Variants in DENND11 observed in about 807,000 individuals in gnomAD.
The protein encoded by DENND11 is DENN domain-containing protein 11.
DENND11 carries 34 observed loss-of-function variants against 49.2 expected under a neutral mutation model. The observed-to-expected ratio is 0.69, with a 90% confidence interval of 0.53 to 0.92. DENND11 has a LOEUF of 0.92. Among genes scored for constraint, DENND11 ranks in the 40% least tolerant of loss-of-function variants. The probability of loss-of-function intolerance (pLI) is 0.00; values close to 1 mark genes in which losing one functional copy is unlikely to be tolerated. For synonymous variants in DENND11, 238 were observed against 230.3 expected (o/e 1.03, Z -0.30); for missense variants, 475 against 581.6 (o/e 0.82, Z 1.88).
chr7:141,686,748 T>C (rs1798249871), intron 1 of DENND11, 90 bp from the exon 2 acceptor site: 2 of 838,644 alleles, frequency 2.4e-6, no homozygotes, highest in African/African-American at 1.7e-5. Context: ...GGCTTTTCAA[T>C]AAACCGACTG....
intron 1 of DENND11, among the ~76,000 whole-genome samples, chr7:141,698,383 C>A (rs1175850520): frequency 6.6e-6 from 1 of 152,210 alleles, no homozygotes; most frequent in Non-Finnish European, 1.5e-5. Context: ...TGGCTTCCAA[C>A]ATCTTCCACC....
At chr7:141,673,660 G>A (rs1798018606) in intron 4 of DENND11, among the ~76,000 whole-genome samples, 1 of 152,202 alleles carries the variant, frequency 6.6e-6, no homozygotes, top group African/African-American at 2.4e-5. Context: ...GCATATTCTA[G>A]TACCAAAGCC....
At chr7:141,677,964 T>C (rs1798091196) in intron 3 of DENND11, among the ~76,000 whole-genome samples, 2 of 151,002 alleles carry the variant, frequency 1.3e-5, no homozygotes, top group African/African-American at 4.9e-5. Context: ...CAATAATCTT[T>C]TTTTTTTTTT....
chr7:141,661,213 C>A lies in DENND11; in HGVS notation c.*1443G>T, dbSNP rs1797787708. 6.6e-6 allele frequency: 1 copy of A among 152,136 alleles called. No individual in the cohort carries two copies. The highest frequency in any genetic ancestry group is 2.4e-5 in the African/African-American group (1 of 41,408). The allele number at this position is 152,136 out of a possible 1,614,324, so 9.4% of individuals were successfully genotyped here. A position where few individuals can be genotyped will look rare whatever the true frequency, so the allele number is the denominator to read the frequency against. ...CTGACGGCTATTCCCATAACCGAGC[C>A]AGGCGGGAAGGGGGAAAAGGAAGAC... On this transcript the variant is annotated 3_prime_UTR_variant, in exon 9 of 9. Coordinates refer to ENST00000536163, the MANE Select transcript of DENND11 (RefSeq NM_001080392.2).
chr7:141,700,477 G>GAAAA (rs201716585), intron 1 of DENND11, among the ~76,000 whole-genome samples: 1 of 117,610 alleles, frequency 8.5e-6, no homozygotes, highest in Non-Finnish European at 1.7e-5. Context: ...GACACTGTCT[G>GAAAA]AAAAAAAAAA....
At chr7:141,675,951 TG>T (rs1289423072) in intron 3 of DENND11, among the ~76,000 whole-genome samples, 1 of 152,228 alleles carries the variant, frequency 6.6e-6, no homozygotes, top group Non-Finnish European at 1.5e-5. Flanking sequence ...GGAGGTTGCT[TG>T]TAGTCACTTA....
intron 1 of DENND11, among the ~76,000 whole-genome samples, chr7:141,691,945 TA>T (rs1208332416): frequency 2.0e-5 from 3 of 152,156 alleles, no homozygotes; most frequent in East Asian, 3.8e-4. Flanking sequence ...CGCATGTGTT[TA>T]AAAAAACTGA....
In DENND11 at chr7:141,683,283, GAACT is replaced by G. The variant is rs547210253; in HGVS notation, c.527+2191_527+2194del. The stretch of plus-strand genomic sequence containing the variant: ...AAAGTTCCTAAAATTAAAAATAAAA[GAACT>G]ATCTATTGAGCAAAGGGGACAAACT... On this transcript the variant is annotated intron_variant, in intron 3 of 8. Transcript: ENST00000536163. 1.8e-3 allele frequency among the ~76,000 whole-genome samples: 277 copies of G among 151,108 alleles called. 3 individuals are homozygous for G. Among genetic ancestry groups the G allele is most frequent in the Middle Eastern group, 3.5e-3 (1 of 282 alleles).
chr7:141,674,430 T>G (rs1485371884), intron 3 of DENND11, among the ~76,000 whole-genome samples: 2 of 152,190 alleles, frequency 1.3e-5, no homozygotes, highest in Admixed American at 6.5e-5. Flanking sequence ...AGTTCAAACA[T>G]GGGCCTGAAA....
chr7:141,690,533 T>C (rs1798310892), intron 1 of DENND11, among the ~76,000 whole-genome samples: 1 of 152,148 alleles, frequency 6.6e-6, no homozygotes, highest in African/African-American at 2.4e-5. Context: ...TAAAACCAAA[T>C]CCCTGCAACA....
rs36080710 is a variant in DENND11 at position 141,687,631 on chromosome 7, A to ATT, written c.269-975_269-974dup. 1.2e-3 allele frequency among the ~76,000 whole-genome samples: 136 copies of ATT among 112,796 alleles called. 2 individuals carry two copies. The highest frequency in any genetic ancestry group is 5.1e-3 in the South Asian group (16 of 3,124). 74.0% of individuals were successfully genotyped at this position (112,796 alleles called of 152,430 possible). ...AGGCGCATACCAGCACACTCGGCTA[A>ATT]TTTTTTTTTTTTTTTTTTTTGAGAC... On this transcript the variant is annotated intron_variant, in intron 1 of 8. Coordinates refer to ENST00000536163, the MANE Select transcript of DENND11 (RefSeq NM_001080392.2).
intron 7 of DENND11, 94 bp downstream of exon 7, chr7:141,664,810 G>GGGAA (rs1191932116): frequency 1.2e-5 from 16 of 1,350,252 alleles, no homozygotes; most frequent in Non-Finnish European, 1.5e-5. Flanking sequence ...AAATGTGTCA[G>GGGAA]GGAAGGGGCA....
intron 3 of DENND11, among the ~76,000 whole-genome samples, chr7:141,674,552 C>G (rs1464785654): frequency 6.6e-6 from 1 of 152,138 alleles, no homozygotes; most frequent in East Asian, 1.9e-4. Context: ...AGACTGGGTG[C>G]CACTTCCCAG....
At chr7:141,663,930 G>A (rs1797844912) in intron 8 of DENND11, 4 of 455,952 alleles carry the variant, frequency 8.8e-6, no homozygotes, top group African/African-American at 5.8e-5. Context: ...GCCCAACAAG[G>A]AAAGAAACAC....
intron 3 of DENND11, 87 bp downstream of exon 3, chr7:141,685,391 A>T: frequency 1.4e-6 from 2 of 1,478,104 alleles, no homozygotes; most frequent in Non-Finnish European, 1.9e-6. Flanking sequence ...CTGCTCTGGC[A>T]CGCAAATGCT....
chr7:141,666,428 G>A lies in DENND11; in HGVS notation c.682-3C>T, dbSNP rs1315853798. 2.5e-6 allele frequency: 4 copies of A among 1,594,664 alleles called. No homozygotes were observed. Among genetic ancestry groups the A allele is most frequent in the Non-Finnish European group, 3.4e-6 (4 of 1,166,696 alleles). On this transcript the variant is annotated splice_polypyrimidine_tract_variant and splice_region_variant and intron_variant, in intron 4 of 8. Coordinates refer to ENST00000536163, the MANE Select transcript of DENND11 (RefSeq NM_001080392.2). ...ATGCAGCCAGCTGGGTGTGTGATCT[G>A]AAAAAATTGAGGGGAATAGGGAGGA... is the stretch of plus-strand genomic sequence containing the variant.
At chr7:141,688,032 C>T (rs1416243056) in intron 1 of DENND11, among the ~76,000 whole-genome samples, 2 of 152,178 alleles carry the variant, frequency 1.3e-5, no homozygotes, top group East Asian at 1.9e-4. Context: ...CCACCTGCCT[C>T]GGCCTCCCAA....
At chr7:141,687,514 A>G (rs1798261008) in intron 1 of DENND11, among the ~76,000 whole-genome samples, 1 of 150,204 alleles carries the variant, frequency 6.7e-6, no homozygotes, top group Admixed American at 6.7e-5. Flanking sequence ...CCCAGGCTGG[A>G]GTGCAGTGGC....
At position 141,657,903 on chromosome 7, in the gene DENND11, G is replaced by A. The variant is rs1797722816; in HGVS notation, c.*4753C>T. ...TACCTCCCACTCCCACCTCTCTCAA[G>A]AAAGAGGCCTAAAAATAAGAATGAT... On this transcript the variant is annotated 3_prime_UTR_variant, in exon 9 of 9. Transcript: ENST00000536163. 6.6e-6 allele frequency: 1 copy of A among 152,536 alleles called. No homozygotes were observed. The highest frequency in any genetic ancestry group is 2.4e-5 in the African/African-American group (1 of 41,420). 9.4% of individuals were successfully genotyped at this position (152,536 alleles called of 1,614,324 possible). A position where few individuals can be genotyped will look rare whatever the true frequency, so the allele number is the denominator to read the frequency against.
Sources: allele counts gnomAD v4.1 joint callset (sites outside exome capture counted in the v4.1 genomes callset), GRCh38; gene constraint gnomAD v4.1.1; transcripts MANE v1.5; gene names NCBI Gene and HGNC (gene_info 2026-07-23, HGNC 2026-07-21).